FAT3: variants seen among roughly 807,000 people sequenced by gnomAD.
FAT3 encodes protocadherin Fat 3.
A neutral mutation model predicts 310.2 loss-of-function variants in FAT3; 95 were observed. The ratio of observed to expected loss-of-function variants is 0.31; its 90% CI spans 0.26 to 0.36. The LOEUF (loss-of-function observed/expected upper bound fraction) is 0.36. Ranked by LOEUF, FAT3 falls within the 10% of genes least tolerant of loss-of-function variation. The probability of loss-of-function intolerance (pLI) is 1.00; values close to 1 mark genes in which losing one functional copy is unlikely to be tolerated. For synonymous variants in FAT3, 2,314 were observed against 2,192.9 expected (o/e 1.06, Z -1.54); for missense variants, 5,408 against 5,715.6 (o/e 0.95, Z 1.74).
chr11:92,670,182 T>C (rs536794028), intron 3 of FAT3, among the ~76,000 whole-genome samples: 51 of 152,374 alleles, frequency 3.3e-4, no homozygotes, highest in African/African-American at 1.1e-3. Flanking sequence ...ACTTGGCATT[T>C]GCTTTATAAA....
rs528852027 is a variant in FAT3, at chr11:92,404,323, T to C, written c.3292+48919T>C. ...TGTGACAAGTGCTGTACTAGTGGAA[T>C]GTATGCTGGGTACAGGATAGCCAGA... On this transcript the variant is annotated intron_variant, in intron 2 of 27. Coordinates refer to ENST00000525166, the MANE Select transcript of FAT3 (RefSeq NM_001367949.2). Among the ~76,000 whole-genome samples the C allele has an allele frequency of 9.2e-5, 14 of 152,232 alleles. No homozygotes were observed. In the East Asian group the frequency reaches 1.4e-3, roughly 15 times the overall value.
chr11:92,664,161 C>T lies in FAT3; in HGVS notation c.3608-33223C>T, dbSNP rs372352367. On this transcript the variant is annotated intron_variant, in intron 3 of 27. Coordinates refer to ENST00000525166, the MANE Select transcript of FAT3 (RefSeq NM_001367949.2). ...CTTACTTGGCAAACTCCTACTCACCCTCAGAAATCCAACTGGATTCTTTCC... is the reference window on the plus strand; with the variant it reads ...CTTACTTGGCAAACTCCTACTCACCTTCAGAAATCCAACTGGATTCTTTCC... 4.6e-5 allele frequency among the ~76,000 whole-genome samples: 7 copies of T among 152,302 alleles called. No individual in the cohort carries two copies. The East Asian group carries it at 1.4e-3, about 29-fold the overall frequency.
chr11:92,566,356 A>C (rs1007457865), intron 3 of FAT3, among the ~76,000 whole-genome samples: 1 of 152,172 alleles, frequency 6.6e-6, no homozygotes, highest in Non-Finnish European at 1.5e-5. Flanking sequence ...TTCAAGGAGA[A>C]CTACAAACCA....
chr11:92,230,976 G>T (rs1864155397), intron 1 of FAT3, among the ~76,000 whole-genome samples: 1 of 152,168 alleles, frequency 6.6e-6, no homozygotes, highest in South Asian at 2.1e-4. Flanking sequence ...TTGTCAGGGG[G>T]CAGTGCAGAG....
chr11:92,360,196 A>C (rs1565257387), intron 2 of FAT3, among the ~76,000 whole-genome samples: 1 of 152,194 alleles, frequency 6.6e-6, no homozygotes, highest in Non-Finnish European at 1.5e-5. Context: ...AATCACAAGC[A>C]TTCTTATACA....
At chr11:92,748,268 C>T (rs970831872) in intron 4 of FAT3, among the ~76,000 whole-genome samples, 1 of 152,136 alleles carries the variant, frequency 6.6e-6, no homozygotes, top group Admixed American at 6.5e-5. Context: ...ACCATCAGAT[C>T]CCATAAGACT....
At chr11:92,442,078 ATTT>A (rs1339635943) in intron 2 of FAT3, among the ~76,000 whole-genome samples, 2 of 84,462 alleles carry the variant, frequency 2.4e-5, no homozygotes, top group African/African-American at 1.4e-4. Flanking sequence ...AGAAATATAT[ATTT>A]TATATATATA....
intron 2 of FAT3, among the ~76,000 whole-genome samples, chr11:92,416,550 A>T (rs1339477989): frequency 6.6e-6 from 1 of 152,178 alleles, no homozygotes; most frequent in Non-Finnish European, 1.5e-5. Flanking sequence ...AATGGATATG[A>T]TGTTTTCTTA....
intron 13 of FAT3, among the ~76,000 whole-genome samples, chr11:92,820,664 A>G (rs1479580519): frequency 6.6e-6 from 1 of 152,190 alleles, no homozygotes; most frequent in Non-Finnish European, 1.5e-5. Flanking sequence ...ATGAGACTGC[A>G]GCCCTGCCTG....
intron 2 of FAT3, among the ~76,000 whole-genome samples, chr11:92,491,779 GTTC>G (rs766608916): frequency 6.6e-6 from 1 of 152,070 alleles, no homozygotes; most frequent in Non-Finnish European, 1.5e-5. Flanking sequence ...ATTGTCACCA[GTTC>G]TTAAGAGAGT....
chr11:92,840,494 T>C (rs1948511253), intron 17 of FAT3, 68 bp from the exon 18 acceptor site: 2 of 1,369,738 alleles, frequency 1.5e-6, no homozygotes, highest in Admixed American at 5.1e-5. Context: ...TTGTTTTGTT[T>C]TGTTTTAATG....
chr11:92,490,712 G>A (rs1952576254), intron 2 of FAT3, among the ~76,000 whole-genome samples: 1 of 152,088 alleles, frequency 6.6e-6, no homozygotes, highest in Non-Finnish European at 1.5e-5. Context: ...AAATTAGACA[G>A]TAAAACCTTA....
intron 2 of FAT3, among the ~76,000 whole-genome samples, chr11:92,384,778 T>A (rs1949580241): frequency 6.6e-6 from 1 of 152,198 alleles, no homozygotes; most frequent in African/African-American, 2.4e-5. Flanking sequence ...TTTACAGATG[T>A]GCCAAGATGT....
At chr11:92,702,837 A>G (rs1944142755) in intron 4 of FAT3, among the ~76,000 whole-genome samples, 1 of 152,222 alleles carries the variant, frequency 6.6e-6, no homozygotes, top group Non-Finnish European at 1.5e-5. Flanking sequence ...CAAAGAGAAC[A>G]CAGAGAGTGT....
chr11:92,339,292 A>G (rs948260009), intron 1 of FAT3, among the ~76,000 whole-genome samples: 2 of 152,190 alleles, frequency 1.3e-5, no homozygotes, highest in Admixed American at 6.5e-5. Context: ...AGAGATTGCC[A>G]AATGTCCCAT....
chr11:92,869,000 A>G (rs1949318111), intron 22 of FAT3, among the ~76,000 whole-genome samples: 1 of 152,158 alleles, frequency 6.6e-6, no homozygotes, highest in Non-Finnish European at 1.5e-5. Context: ...AGCCTTGCCT[A>G]TAGAGCACAC....
At chr11:92,614,864 T>C (rs1218163323) in intron 3 of FAT3, among the ~76,000 whole-genome samples, 1 of 152,210 alleles carries the variant, frequency 6.6e-6, no homozygotes, top group Non-Finnish European at 1.5e-5. Flanking sequence ...CTATGATTCA[T>C]TTTGAATCAA....
chr11:92,474,716 G>A (rs1463907873), intron 2 of FAT3, among the ~76,000 whole-genome samples: 5 of 152,188 alleles, frequency 3.3e-5, no homozygotes, highest in African/African-American at 4.8e-5. Flanking sequence ...AGAAGGTGGA[G>A]TGGGAGTTAC....
intron 2 of FAT3, among the ~76,000 whole-genome samples, chr11:92,495,596 T>G (rs746280844): frequency 6.6e-6 from 1 of 152,038 alleles, no homozygotes; most frequent in Non-Finnish European, 1.5e-5. Flanking sequence ...CTAGAAAGTT[T>G]TCAGAGGAGA....
Sources: allele counts gnomAD v4.1 joint callset (sites outside exome capture counted in the v4.1 genomes callset), GRCh38; gene constraint gnomAD v4.1.1; transcripts MANE v1.5; gene names NCBI Gene and HGNC (gene_info 2026-07-23, HGNC 2026-07-21).